Variants in RYR3 observed in about 807,000 individuals in gnomAD.
The protein encoded by RYR3 is brain ryanodine receptor-calcium release channel.
Under a neutral mutation model 584.3 loss-of-function variants are expected in RYR3, and 207 were observed. The ratio of observed to expected loss-of-function variants is 0.35; its 90% CI spans 0.32 to 0.40. The LOEUF (loss-of-function observed/expected upper bound fraction) is 0.40. Ranked by LOEUF, RYR3 falls within the 10% of genes least tolerant of loss-of-function variation. RYR3 has a pLI of 1.00. For synonymous variants in RYR3, 2,416 were observed against 2,248.5 expected, an observed-to-expected ratio of 1.07 and a Z score of -2.11; for missense variants, 5,616 against 6,089.2, an observed-to-expected ratio of 0.92 and a Z score of 2.59.
intron 2 of RYR3, among the ~76,000 whole-genome samples, chr15:33,485,820 G>A (rs1018719612): frequency 6.6e-6 from 1 of 152,198 alleles, no homozygotes; most frequent in African/African-American, 2.4e-5. Context: ...GTGTTGCCAG[G>A]CAAGTATGAT....
chr15:33,471,616 A>G (rs2048939114), intron 1 of RYR3, among the ~76,000 whole-genome samples: 1 of 148,102 alleles, frequency 6.8e-6, no homozygotes, highest in Non-Finnish European at 1.5e-5. Flanking sequence ...AAAAAAATCC[A>G]TAATTACACT....
rs948496496 is a variant in RYR3, at chr15:33,731,432, TC to T, written c.7204-40del. ...CTGTGCAGAGCCAGCTTTGCTCTGT[TC>T]CTCAGGGCAATTAACCTGTGTCCCA... is the stretch of plus-strand genomic sequence containing the variant. On this transcript the variant is annotated intron_variant, in intron 47 of 103. Transcript: ENST00000634891. 2.1e-6 allele frequency: 3 copies of T among 1,443,500 alleles called. No homozygotes were observed. In the African/African-American group the frequency reaches 4.2e-5, roughly 20 times the overall value. The allele number at this position is 1,443,500 out of a possible 1,614,324, so 89.4% of individuals were successfully genotyped here.
rs183109371 is a variant in RYR3, at chr15:33,557,283, C to T, written c.973-5554C>T. 2.7e-4 allele frequency among the ~76,000 whole-genome samples: 41 copies of T among 152,300 alleles called. No individual in the cohort carries two copies. The East Asian group carries it at 7.5e-3, about 28-fold the overall frequency. ...TGTGATACATACCACTTTGTGGGTC[C>T]CTGGTGAATTCGCGTGATGGCATTT... On this transcript the variant is annotated intron_variant, in intron 10 of 103. Transcript: ENST00000634891.
intron 67 of RYR3, among the ~76,000 whole-genome samples, chr15:33,799,607 T>C (rs1360567864): frequency 3.9e-5 from 6 of 152,242 alleles, no homozygotes; most frequent in Non-Finnish European, 8.8e-5. Flanking sequence ...GTGTCCTTTA[T>C]AATAAACTGG....
chr15:33,445,664 AACACACACACACAC>A (rs61585713), intron 1 of RYR3, among the ~76,000 whole-genome samples: 368 of 106,040 alleles, frequency 3.5e-3, no homozygotes, highest in East Asian at 9.6e-3. Flanking sequence ...TTCCCCCACC[AACACACACACACAC>A]ACACACACAC....
chr15:33,715,648 G>C (rs2067440771), intron 43 of RYR3, among the ~76,000 whole-genome samples: 1 of 152,170 alleles, frequency 6.6e-6, no homozygotes, highest in Non-Finnish European at 1.5e-5. Flanking sequence ...TCTGAAGACT[G>C]GGAAGTTCAA....
chr15:33,329,971 G>A (rs1567035874), intron 1 of RYR3, among the ~76,000 whole-genome samples: 1 of 152,178 alleles, frequency 6.6e-6, no homozygotes, highest in South Asian at 2.1e-4. Context: ...GTATGAATGG[G>A]TGAAAGGGAG....
At chr15:33,571,159 G>T (rs1389524193) in intron 12 of RYR3, among the ~76,000 whole-genome samples, 2 of 152,086 alleles carry the variant, frequency 1.3e-5, no homozygotes, top group Admixed American at 1.3e-4. Context: ...TCTAAGGTGG[G>T]GGTGGGGACA....
intron 64 of RYR3, among the ~76,000 whole-genome samples, chr15:33,774,753 A>C (rs1170227059): frequency 6.6e-6 from 1 of 152,244 alleles, no homozygotes; most frequent in Non-Finnish European, 1.5e-5. Context: ...TTTACATAAA[A>C]TATAGATAAA....
chr15:33,326,985 G>C (rs1372652723), intron 1 of RYR3, among the ~76,000 whole-genome samples: 2 of 144,256 alleles, frequency 1.4e-5, no homozygotes, highest in Non-Finnish European at 3.0e-5. Context: ...TACTGTACTT[G>C]ATAAGCCTTA....
chr15:33,865,053 C>T lies in RYR3; in HGVS notation c.14518-78C>T, dbSNP rs182662722. 2.7e-3 allele frequency: 2,998 copies of T among 1,093,876 alleles called. 20 individuals carry two copies. The highest frequency in any genetic ancestry group is 0.023 in the African/African-American group (1,470 of 64,510). The allele number at this position is 1,093,876 out of a possible 1,614,324, so 67.8% of individuals were successfully genotyped here. On this transcript the variant is annotated intron_variant, in intron 103 of 103. Coordinates refer to ENST00000634891, the MANE Select transcript of RYR3 (RefSeq NM_001036.6). ...TCACATCAGTCTTCCTAAAGGGAGC[C>T]ACAAAGAACAAAAACAAACTGGGTT...
At chr15:33,374,105 A>T (rs2141120838) in intron 1 of RYR3, among the ~76,000 whole-genome samples, 1 of 152,346 alleles carries the variant, frequency 6.6e-6, no homozygotes, top group South Asian at 2.1e-4. Context: ...CAAAGCAGCT[A>T]AAAAGCAGTG....
At position 33,553,148 on chromosome 15, in the gene RYR3, G is replaced by A. The variant is rs183904089; in HGVS notation, c.972+2832G>A. Among the ~76,000 whole-genome samples the A allele has an allele frequency of 1.1e-4, 16 of 152,262 alleles. 1 individual carries two copies. The highest frequency in any genetic ancestry group is 1.9e-4 in the East Asian group (1 of 5,172). Reference sequence around the variant, plus strand: ...TTTCTATGGGACTGGGGCAGAGGGCGAGGAAGCAGGGTATTCATCTGATCC... The same window carrying A: ...TTTCTATGGGACTGGGGCAGAGGGCAAGGAAGCAGGGTATTCATCTGATCC... On this transcript the variant is annotated intron_variant, in intron 10 of 103. Coordinates refer to ENST00000634891, the MANE Select transcript of RYR3 (RefSeq NM_001036.6).
chr15:33,585,184 G>A (rs1421676977), intron 15 of RYR3, among the ~76,000 whole-genome samples: 2 of 152,082 alleles, frequency 1.3e-5, no homozygotes, highest in Non-Finnish European at 2.9e-5. Flanking sequence ...GCCAAGAGAG[G>A]TTCCCCCAAG....
intron 2 of RYR3, among the ~76,000 whole-genome samples, chr15:33,478,519 G>A (rs1362817991): frequency 2.6e-5 from 4 of 152,162 alleles, no homozygotes; most frequent in Non-Finnish European, 4.4e-5. Flanking sequence ...CAGTCCACAT[G>A]CAGGCTATCA....
chr15:33,788,240 C>G lies in RYR3; in HGVS notation c.9612C>G (p.Ser3204Arg). 1 of 1,613,938 alleles carries G rather than the reference C, an allele frequency of 6.2e-7. No individual in the cohort carries two copies. Among genetic ancestry groups the G allele is most frequent in the Admixed American group, 1.7e-5 (1 of 60,018 alleles). Residue 3204 changes from serine to arginine, a missense_variant, in exon 67 of 104, where the codon AGC becomes AGG. Coordinates refer to ENST00000634891, the MANE Select transcript of RYR3 (RefSeq NM_001036.6). ...CAGTGTATGCACAGCCCATCATCAG[C>G]AAAGCCAGGCCCGACCTGCTGAGAA... ...RIAVYAQPII[S>R]KARPDLLRSH... is the part of the protein sequence containing the mutation.
chr15:33,545,472 C>G (rs2056167644), intron 8 of RYR3, among the ~76,000 whole-genome samples: 1 of 151,834 alleles, frequency 6.6e-6, no homozygotes, highest in South Asian at 2.1e-4. Flanking sequence ...CCCAGGATTT[C>G]ATAGGCTCTA....
chr15:33,825,243 G>T (rs1377459105), intron 81 of RYR3, among the ~76,000 whole-genome samples: 2 of 138,782 alleles, frequency 1.4e-5, no homozygotes, highest in Non-Finnish European at 3.1e-5. Flanking sequence ...TTTCCCTCGA[G>T]AAATCTTAAA....
At chr15:33,807,768 C>A (rs555870221) in intron 70 of RYR3, 199 bp downstream of exon 70, 6 of 606,894 alleles carry the variant, frequency 9.9e-6, no homozygotes, top group South Asian at 2.0e-5. Context: ...ATGGGGAAGC[C>A]GGGGAAGCCA....
Sources: allele counts gnomAD v4.1 joint callset (sites outside exome capture counted in the v4.1 genomes callset), GRCh38; gene constraint gnomAD v4.1.1; transcripts MANE v1.5; gene names NCBI Gene and HGNC (gene_info 2026-07-23, HGNC 2026-07-21).